CNTNAP2: variants seen among roughly 807,000 people sequenced by gnomAD.
CNTNAP2 encodes contactin associated protein 2, also known as contactin-associated protein-like 2.
In CNTNAP2, 98 loss-of-function variants were observed where a neutral mutation model predicts 155.2. The observed-to-expected ratio is 0.63, with a 90% CI of 0.54 to 0.75. The LOEUF (loss-of-function observed/expected upper bound fraction) is 0.75, where lower values mean the gene tolerates loss of function less well. Ranked by LOEUF, CNTNAP2 falls within the 30% of genes least tolerant of loss-of-function variation. CNTNAP2 has a pLI of 0.00. For missense variants in CNTNAP2, 1,727 were observed against 1,688.1 expected (o/e 1.02, Z -0.40); for synonymous variants, 651 against 631.2 (o/e 1.03, Z -0.47).
intron 1 of CNTNAP2, among the ~76,000 whole-genome samples, chr7:146,278,344 C>CT (rs1563018956): frequency 6.6e-6 from 1 of 152,024 alleles, no homozygotes; most frequent in Non-Finnish European, 1.5e-5. Context: ...GGTCTCTGTT[C>CT]TTTTTTTCTG....
chr7:146,146,529 AT>A (rs747359424), intron 1 of CNTNAP2, among the ~76,000 whole-genome samples: 15 of 152,210 alleles, frequency 9.9e-5, no homozygotes, highest in Non-Finnish European at 1.6e-4. Context: ...GAAGTTATTT[AT>A]TGCAAAGGGA....
chr7:146,124,426 T>A (rs530953304), intron 1 of CNTNAP2, among the ~76,000 whole-genome samples: 1 of 152,322 alleles, frequency 6.6e-6, no homozygotes, highest in African/African-American at 2.4e-5. Context: ...TATATATATA[T>A]GTCTTTTTCA....
intron 13 of CNTNAP2, among the ~76,000 whole-genome samples, chr7:147,881,758 G>T (rs1287376613): frequency 1.3e-5 from 2 of 152,142 alleles, no homozygotes; most frequent in African/African-American, 2.4e-5. Context: ...ATCACCTGAG[G>T]TCATGAGTTT....
chr7:147,879,130 A>T (rs1416273002), intron 13 of CNTNAP2, among the ~76,000 whole-genome samples: 1 of 152,208 alleles, frequency 6.6e-6, no homozygotes, highest in Non-Finnish European at 1.5e-5. Context: ...TGAACATGGT[A>T]ATTTTTAAGT....
At chr7:146,633,510 C>CAGGCCATG (rs1381142814) in intron 1 of CNTNAP2, among the ~76,000 whole-genome samples, 29 of 152,072 alleles carry the variant, frequency 1.9e-4, no homozygotes, top group Non-Finnish European at 1.5e-5. Flanking sequence ...AGCTCCATAA[C>CAGGCCATG]AGGCCATGAC....
intron 1 of CNTNAP2, among the ~76,000 whole-genome samples, chr7:146,483,215 G>T (rs1443587981): frequency 1.4e-5 from 2 of 143,634 alleles, no homozygotes; most frequent in Admixed American, 1.5e-4. Context: ...GGCGGAACTT[G>T]CAGTGAGCCA....
At chr7:148,120,144 T>C (rs143343336) in intron 16 of CNTNAP2, among the ~76,000 whole-genome samples, 5 of 150,064 alleles carry the variant, frequency 3.3e-5, no homozygotes, top group Non-Finnish European at 5.9e-5. Flanking sequence ...TTCCCCCATC[T>C]TTATTTTATG....
chr7:147,866,767 T>TA, intron 13 of CNTNAP2, among the ~76,000 whole-genome samples: 1 of 138,448 alleles, frequency 7.2e-6, no homozygotes. Flanking sequence ...TTTTGTTTTT[T>TA]GTTGTTGTTG....
At chr7:147,929,092 C>CAAAAAAAAAAAA (rs66584239) in intron 14 of CNTNAP2, among the ~76,000 whole-genome samples, 1 of 34,630 alleles carries the variant, frequency 2.9e-5, no homozygotes, top group African/African-American at 7.8e-5. Flanking sequence ...AACTCCATCC[C>CAAAAAAAAAAAA]AAAAAAAAAA....
intron 1 of CNTNAP2, among the ~76,000 whole-genome samples, chr7:146,170,782 C>G (rs1374333119): frequency 6.6e-6 from 1 of 152,130 alleles, no homozygotes; most frequent in Non-Finnish European, 1.5e-5. Context: ...AATCCTGGCA[C>G]TTTGGGAGGC....
intron 22 of CNTNAP2, among the ~76,000 whole-genome samples, chr7:148,405,446 T>TTTTTTTTTTTTTTTTTGTG: frequency 1.4e-5 from 1 of 70,142 alleles, no homozygotes; most frequent in African/African-American, 3.6e-5. Flanking sequence ...TTTTTTTTTT[T>TTTTTTTTTTTTTTTTTGTG]GAGACGGAGT....
intron 1 of CNTNAP2, among the ~76,000 whole-genome samples, chr7:146,345,494 C>T (rs909808024): frequency 1.6e-4 from 24 of 152,124 alleles, no homozygotes; most frequent in Admixed American, 2.0e-4. Context: ...AGAGCTTTTC[C>T]ACTATCTTTA....
chr7:146,837,568 C>A (rs954962627), intron 2 of CNTNAP2, among the ~76,000 whole-genome samples: 1 of 151,826 alleles, frequency 6.6e-6, no homozygotes, highest in Non-Finnish European at 1.5e-5. Context: ...ATTTTTTTCT[C>A]TCTGGTTCTA....
intron 10 of CNTNAP2, among the ~76,000 whole-genome samples, chr7:147,426,704 A>G (rs1407083481): frequency 1.3e-5 from 2 of 152,098 alleles, no homozygotes; most frequent in African/African-American, 4.8e-5. Flanking sequence ...TGCCTCCCTC[A>G]TTAATCTGTC....
intron 1 of CNTNAP2, among the ~76,000 whole-genome samples, chr7:146,403,919 A>C (rs970240431): frequency 6.6e-6 from 1 of 151,758 alleles, no homozygotes; most frequent in Non-Finnish European, 1.5e-5. Flanking sequence ...AGGTCAGGAG[A>C]TCGAGACCAT....
rs1057072565 is a variant in CNTNAP2 at position 147,508,803 on chromosome 7, A to G, written c.1777+22762A>G. Among the ~76,000 whole-genome samples the G allele has an allele frequency of 5.9e-5, 9 of 152,148 alleles. No homozygotes were observed. The East Asian group carries it at 1.7e-3, about 29-fold the overall frequency. On this transcript the variant is annotated intron_variant, in intron 11 of 23. Coordinates refer to ENST00000361727, the MANE Select transcript of CNTNAP2 (RefSeq NM_014141.6). ...TCTCTTGCCTGACACTATGTAAGACATGCCTATGACTCCTTCGCCTTCTGC... is the reference window on the plus strand; with the variant it reads ...TCTCTTGCCTGACACTATGTAAGACGTGCCTATGACTCCTTCGCCTTCTGC...
chr7:147,280,727 A>G (rs1485417227), intron 8 of CNTNAP2, among the ~76,000 whole-genome samples: 1 of 151,988 alleles, frequency 6.6e-6, no homozygotes, highest in Non-Finnish European at 1.5e-5. Flanking sequence ...ATGCTTTAAC[A>G]TAGAAATTGT....
chr7:147,911,138 T>C (rs1346006093), intron 14 of CNTNAP2, among the ~76,000 whole-genome samples: 1 of 151,028 alleles, frequency 6.6e-6, no homozygotes, highest in Non-Finnish European at 1.5e-5. Context: ...TCCTAGCCCC[T>C]GGCCAGTTAA....
intron 1 of CNTNAP2, among the ~76,000 whole-genome samples, chr7:146,647,183 C>A (rs936567106): frequency 2.6e-5 from 4 of 152,154 alleles, no homozygotes; most frequent in African/African-American, 9.7e-5. Context: ...TCCAGCAATG[C>A]TACAGCATCT....
Sources: gnomAD v4.1 joint callset for allele counts (sites outside exome capture counted in the v4.1 genomes callset) on GRCh38, gnomAD v4.1.1 for gene constraint, MANE v1.5 for transcripts, NCBI Gene and HGNC (gene_info 2026-07-23, HGNC 2026-07-21) for gene names.